The following CDC14B variants were observed in gnomAD, a reference collection of about 807,000 sequenced individuals.
CDC14B encodes dual specificity protein phosphatase CDC14B.
In CDC14B, 22 loss-of-function variants were observed where a neutral mutation model predicts 64.2. The observed-to-expected ratio is 0.34, with a 90% CI of 0.24 to 0.49. The LOEUF is 0.49. Ranked by LOEUF, CDC14B falls within the 20% of genes least tolerant of loss-of-function variation. The pLI is 0.99. For synonymous variants in CDC14B, 191 were observed against 215.8 expected, an observed-to-expected ratio of 0.89 and a Z score of 1.01; for missense variants, 498 against 629.9, an observed-to-expected ratio of 0.79 and a Z score of 2.24.
At chr9:96,582,661 C>T (rs927305100) in intron 1 of CDC14B, among the ~76,000 whole-genome samples, 1 of 152,144 alleles carries the variant, frequency 6.6e-6, no homozygotes, top group African/African-American at 2.4e-5. Context: ...AAAGGCCTTA[C>T]TAAAAAAATT....
chr9:96,580,814 T>C (rs1250935379), intron 1 of CDC14B, among the ~76,000 whole-genome samples: 1 of 152,230 alleles, frequency 6.6e-6, no homozygotes, highest in East Asian at 1.9e-4. Context: ...TAGATCAATA[T>C]GTAATCTTTC....
chr9:96,548,102 G>A (rs910535449), intron 5 of CDC14B, among the ~76,000 whole-genome samples: 1 of 152,106 alleles, frequency 6.6e-6, no homozygotes, highest in Admixed American at 6.5e-5. Flanking sequence ...TAGGATTACA[G>A]GCGTGAGCCA....
intron 1 of CDC14B, among the ~76,000 whole-genome samples, chr9:96,571,309 G>A (rs1299583466): frequency 4.6e-5 from 7 of 151,898 alleles, no homozygotes; most frequent in African/African-American, 1.5e-4. Context: ...CCGAGTAGCT[G>A]GGACTACAGG....
chr9:96,507,311 GAAA>G (rs541475615), intron 13 of CDC14B, among the ~76,000 whole-genome samples: 1 of 52,024 alleles, frequency 1.9e-5, no homozygotes, highest in Non-Finnish European at 4.1e-5. Context: ...CATGTCAAAG[GAAA>G]AAAAAAAAAA....
At chr9:96,594,959 T>C (rs1260852392) in intron 1 of CDC14B, among the ~76,000 whole-genome samples, 1 of 152,110 alleles carries the variant, frequency 6.6e-6, no homozygotes, top group Non-Finnish European at 1.5e-5. Context: ...GAGACCATCC[T>C]GGCCAAGATG....
intron 5 of CDC14B, 28 bp downstream of exon 5, chr9:96,551,768 G>C (rs1841879878): frequency 6.2e-7 from 1 of 1,600,206 alleles, no homozygotes; most frequent in South Asian, 1.1e-5. Context: ...CTGATTACCT[G>C]AATCTACCAC....
chr9:96,601,749 G>GC (rs1471578769), intron 1 of CDC14B, among the ~76,000 whole-genome samples: 3 of 146,080 alleles, frequency 2.1e-5, no homozygotes, highest in Non-Finnish European at 4.5e-5. Context: ...AGCTGAGGGC[G>GC]CACCACTGCA....
intron 1 of CDC14B, among the ~76,000 whole-genome samples, chr9:96,579,326 G>A (rs982153655): frequency 3.3e-5 from 5 of 151,702 alleles, no homozygotes; most frequent in African/African-American, 4.8e-5. Flanking sequence ...AGTGGCTCAC[G>A]CCTGTAATCC....
chr9:96,505,028 A>G (rs2131267832), intron 13 of CDC14B, among the ~76,000 whole-genome samples: 1 of 152,104 alleles, frequency 6.6e-6, no homozygotes, highest in Non-Finnish European at 1.5e-5. Flanking sequence ...ACAGAAGAAA[A>G]TTTTTAGCCA....
chr9:96,576,895 T>G (rs1844843938), intron 1 of CDC14B, among the ~76,000 whole-genome samples: 1 of 152,136 alleles, frequency 6.6e-6, no homozygotes, highest in Admixed American at 6.6e-5. Context: ...CAAGGAGATC[T>G]CAACAAATTC....
intron 13 of CDC14B, among the ~76,000 whole-genome samples, chr9:96,505,543 G>A (rs928120890): frequency 6.6e-6 from 1 of 152,236 alleles, no homozygotes; most frequent in African/African-American, 2.4e-5. Context: ...TTCCAAGACT[G>A]TTCTAAGAGA....
Position 96,502,561 on chromosome 9 carries a change from G to A in CDC14B, c.*1192C>T, listed in dbSNP as rs930389094. 3.5e-5 allele frequency: 9 copies of A among 255,188 alleles called. No individual in the cohort carries two copies. Among genetic ancestry groups the A allele is most frequent in the Non-Finnish European group, 6.6e-5 (9 of 136,936 alleles). The allele number at this position is 255,188 out of a possible 1,614,324, so 15.8% of individuals were successfully genotyped here. ...CCCACTTCTTATGGAAGGAACTGAG[G>A]TGAGTACTATATATTCTTTTATTTC... On this transcript the variant is annotated 3_prime_UTR_variant, in exon 14 of 14. Coordinates refer to ENST00000375241, the MANE Select transcript of CDC14B (RefSeq NM_033331.4).
intron 4 of CDC14B, 117 bp from the exon 5 acceptor site, chr9:96,551,989 C>A: frequency 7.6e-7 from 1 of 1,320,460 alleles, no homozygotes; most frequent in South Asian, 1.5e-5. Context: ...TCCAGCCTTC[C>A]CCAGGAGCCT....
rs537954157 is a variant in CDC14B at position 96,613,701 on chromosome 9, A to T, written c.160+5518T>A. 3.3e-5 allele frequency among the ~76,000 whole-genome samples: 5 copies of T among 152,376 alleles called. No homozygotes were observed. In the South Asian group the frequency reaches 1.0e-3, roughly 32 times the overall value. On this transcript the variant is annotated intron_variant, in intron 1 of 13. Transcript: ENST00000375241. ...AAGACATAGGCAAGAAGAAAAATGCACACTACACACTATGATGGGCTTCAA... is the reference window on the plus strand; with the variant it reads ...AAGACATAGGCAAGAAGAAAAATGCTCACTACACACTATGATGGGCTTCAA...
chr9:96,589,567 C>T (rs1845661820), intron 1 of CDC14B, among the ~76,000 whole-genome samples: 1 of 152,090 alleles, frequency 6.6e-6, no homozygotes, highest in African/African-American at 2.4e-5. Flanking sequence ...TCTTGATCTT[C>T]AGGAGCCTAA....
At chr9:96,500,027 T>C (rs1833422233), downstream of CDC14B, 1 of 152,614 alleles carries the variant, frequency 6.6e-6, no homozygotes, top group African/African-American at 2.4e-5. Context: ...TTACACAGAT[T>C]CCGGGTTACC....
At position 96,503,447 on chromosome 9, in the gene CDC14B, C is replaced by A. The variant is rs867357455; in HGVS notation, c.*306G>T. On this transcript the variant is annotated 3_prime_UTR_variant, in exon 14 of 14. Transcript: ENST00000375241. The stretch of plus-strand genomic sequence containing the variant: ...CAATGATTGCCATCACAGGGACACA[C>A]ATGCACCACAGACCAGCCAGCTCCC... The A allele has an allele frequency of 9.1e-5, 33 of 363,580 alleles. No homozygotes were observed. In the East Asian group the frequency reaches 1.7e-3, roughly 19 times the overall value. 22.5% of individuals were successfully genotyped at this position (363,580 alleles called of 1,614,324 possible). A position where few individuals can be genotyped will look rare whatever the true frequency, so the allele number is the denominator to read the frequency against.
intron 1 of CDC14B, chr9:96,566,618 G>T: frequency 1.4e-6 from 1 of 731,938 alleles, no homozygotes; most frequent in South Asian, 1.8e-5. Flanking sequence ...CTGTAGCCCA[G>T]AGCCTGGGGA....
intron 5 of CDC14B, among the ~76,000 whole-genome samples, chr9:96,545,048 G>T (rs1290640608): frequency 6.6e-6 from 1 of 152,110 alleles, no homozygotes; most frequent in African/African-American, 2.4e-5. Context: ...CAAAGTTCTC[G>T]GGATAGGGCC....
Sources: allele counts gnomAD v4.1 joint callset (sites outside exome capture counted in the v4.1 genomes callset), GRCh38; gene constraint gnomAD v4.1.1; transcripts MANE v1.5; gene names NCBI Gene and HGNC (gene_info 2026-07-23, HGNC 2026-07-21).